Variants in ZNF778 observed in about 807,000 individuals in gnomAD.
The protein encoded by ZNF778 is zinc finger protein 778.
ZNF778 carries 37 observed loss-of-function variants against 23.9 expected under a neutral mutation model. The ratio of observed to expected loss-of-function variants is 1.54; its 90% confidence interval spans 1.19 to 2.03. The LOEUF (loss-of-function observed/expected upper bound fraction) is 2.03. Ranked by LOEUF, ZNF778 falls within the 30% of genes most tolerant of loss-of-function variation. ZNF778 has a pLI of 0.00. For synonymous variants in ZNF778, 483 were observed against 343.9 expected, an observed-to-expected ratio of 1.40 and a Z score of -4.48; for missense variants, 1,297 against 934.4, an observed-to-expected ratio of 1.39 and a Z score of -5.06.
chr16:89,228,423 G>C lies in ZNF778; in HGVS notation c.2135G>C (p.Arg712Thr). The change falls in exon 7 of 7, where the codon AGG (arginine) becomes ACG (threonine). Residue 712 changes from arginine (R) to threonine (T), a missense_variant. By Grantham distance (71) the Arg-to-Thr change is moderately conservative. Coordinates refer to ENST00000433976, the MANE Select transcript of ZNF778 (RefSeq NM_001201407.2). ...KCKECGKAYNRFYLLKEHLKT... is the reference protein window; with the variant it reads ...KCKECGKAYNTFYLLKEHLKT... ...AAGGAATGTGGGAAAGCATACAATA[G>C]GTTTTATCTACTAAAAGAACATTTA... The C allele has an allele frequency of 2.5e-6, 4 of 1,613,874 alleles. No individual in the cohort carries two copies. Among genetic ancestry groups the C allele is most frequent in the Non-Finnish European group, 8.5e-7 (1 of 1,179,862 alleles).
At chr16:89,224,502 C>G in intron 4 of ZNF778, 1 of 446,174 alleles carries the variant, frequency 2.2e-6, no homozygotes. Flanking sequence ...ACCTATAGTC[C>G]CAGCTACTTA....
Position 89,227,086 on chromosome 16 carries a change from G to T in ZNF778, c.798G>T (p.Met266Ile), listed in dbSNP as rs2031541943. ...GTGGGAAAGCTCTAACTCACTCCAT[G>T]GGCTGCGCCACACCTGTTGAAATGC... Reference protein sequence around the residue: ...KPCGKALTHSMGCATPVEMHA... With the variant: ...KPCGKALTHSIGCATPVEMHA... The change falls in exon 7 of 7, where the codon ATG (methionine) becomes ATT (isoleucine). Residue 266 changes from methionine (M) to isoleucine (I), a missense_variant. Coordinates refer to ENST00000433976, the MANE Select transcript of ZNF778 (RefSeq NM_001201407.2). The T allele has an allele frequency of 6.2e-7, 1 of 1,613,838 alleles. No homozygotes were observed. The highest frequency in any genetic ancestry group is 8.5e-7 in the Non-Finnish European group (1 of 1,179,892).
rs898196701 is a variant in ZNF778, at chr16:89,229,810, C to G, written c.*1248C>G. 1.0e-6 allele frequency: 1 copy of G among 980,752 alleles called. No individual in the cohort carries two copies. Among genetic ancestry groups the G allele is most frequent in the South Asian group, 4.7e-5 (1 of 21,098 alleles). The allele number at this position is 980,752 out of a possible 1,614,324, so 60.8% of individuals were successfully genotyped here. ...GCAGTGTAGGCTCTGGTTGGTTAGT[C>G]TTAGGTATCCAGATGTGATCCTGTG... is the stretch of plus-strand genomic sequence containing the variant. On this transcript the variant is annotated 3_prime_UTR_variant, in exon 7 of 7. Transcript: ENST00000433976.
At chr16:89,226,637 G>A in intron 6 of ZNF778, 57 bp from the exon 7 acceptor site, 1 of 1,457,128 alleles carries the variant, frequency 6.9e-7, no homozygotes, top group South Asian at 1.3e-5. Context: ...TCAGCTGGGT[G>A]AGATCTATGA....
In ZNF778 at chr16:89,227,897, G is replaced by C. The variant is rs375641646; in HGVS notation, c.1609G>C (p.Asp537His). 9.9e-6 allele frequency: 16 copies of C among 1,613,990 alleles called. No individual in the cohort carries two copies. The highest frequency in any genetic ancestry group is 6.6e-5 in the South Asian group (6 of 91,082). The change falls in exon 7 of 7, where the codon GAC (aspartate) becomes CAC (histidine). Residue 537 changes from aspartate to histidine, a missense_variant. Transcript: ENST00000433976. Reference sequence around the variant, plus strand: ...CGGGGAGAAGCCCTATGAATGTAAGGACTGTGGGAAAGCCTACAATAGGGT... The same window carrying C: ...CGGGGAGAAGCCCTATGAATGTAAGCACTGTGGGAAAGCCTACAATAGGGT... ...HTGEKPYECK[D>H]CGKAYNRVYL...
intron 1 of ZNF778, among the ~76,000 whole-genome samples, chr16:89,219,842 C>G (rs1337078765): frequency 6.6e-6 from 1 of 152,220 alleles, no homozygotes; most frequent in African/African-American, 2.4e-5. Context: ...TGTTGTGCCT[C>G]TTTTTTGGTT....
Position 89,224,704 on chromosome 16 carries a change from T to A in ZNF778, c.245-15T>A. The A allele has an allele frequency of 6.5e-7, 1 of 1,531,190 alleles. No individual in the cohort carries two copies. The highest frequency in any genetic ancestry group is 8.8e-7 in the Non-Finnish European group (1 of 1,142,632). 94.9% of individuals were successfully genotyped at this position (1,531,190 alleles called of 1,614,324 possible). On this transcript the variant is annotated splice_polypyrimidine_tract_variant and intron_variant, in intron 4 of 6. Transcript: ENST00000433976. The stretch of plus-strand genomic sequence containing the variant: ...CCTGAGCCTCTTCCATCGATGTCTC[T>A]TTCCCTGTGTACAGGACATCACCTG...
In ZNF778 at chr16:89,236,664, C is replaced by T. The variant is rs1205218056; in HGVS notation, c.*8102C>T. 1 of 152,150 alleles carries T rather than the reference C, an allele frequency of 6.6e-6. No homozygotes were observed. Among genetic ancestry groups the T allele is most frequent in the Non-Finnish European group, 1.5e-5 (1 of 68,042 alleles). 9.4% of individuals were successfully genotyped at this position (152,150 alleles called of 1,614,324 possible). A position where few individuals can be genotyped will look rare whatever the true frequency, so the allele number is the denominator to read the frequency against. On this transcript the variant is annotated 3_prime_UTR_variant, in exon 7 of 7. Coordinates refer to ENST00000433976, the MANE Select transcript of ZNF778 (RefSeq NM_001201407.2). ...TATTTAATACATAAGACAACTACAA[C>T]ATGAAGGTGAGGGGCAACGTGGCTG... is the stretch of plus-strand genomic sequence containing the variant.
chr16:89,220,681 A>T (rs907021549), intron 1 of ZNF778, among the ~76,000 whole-genome samples: 3 of 152,114 alleles, frequency 2.0e-5, no homozygotes, highest in African/African-American at 7.2e-5. Flanking sequence ...CTGTGACGAG[A>T]TGGTCGAACA....
At chr16:89,220,888 C>G (rs2030867748) in intron 1 of ZNF778, 109 bp from the exon 2 acceptor site, 2 of 525,012 alleles carry the variant, frequency 3.8e-6, no homozygotes, top group Non-Finnish European at 3.5e-6. Context: ...TACTAGTCCT[C>G]AAGAGAGTAA....
chr16:89,232,641 T>A lies in ZNF778; in HGVS notation c.*4079T>A. The A allele has an allele frequency of 9.5e-7, 1 of 1,049,756 alleles. No individual in the cohort carries two copies. Among genetic ancestry groups the A allele is most frequent in the Non-Finnish European group, 1.1e-6 (1 of 878,690 alleles). 65.0% of individuals were successfully genotyped at this position (1,049,756 alleles called of 1,614,324 possible). A position where few individuals can be genotyped will look rare whatever the true frequency, so the allele number is the denominator to read the frequency against. On this transcript the variant is annotated 3_prime_UTR_variant, in exon 7 of 7. Coordinates refer to ENST00000433976, the MANE Select transcript of ZNF778 (RefSeq NM_001201407.2). ...ATTAAAGGACCAATTGTATTAATTA[T>A]GTTTTTTTTTTTTTTGTTAGGGTAC...
chr16:89,226,324 G>C (rs1418639278), intron 6 of ZNF778, among the ~76,000 whole-genome samples: 1 of 151,976 alleles, frequency 6.6e-6, no homozygotes, highest in Non-Finnish European at 1.5e-5. Flanking sequence ...TTCTGCCTCA[G>C]CCTCCTGAGT....
Position 89,221,178 on chromosome 16 carries a change from A to C in ZNF778, c.25+26A>C, listed in dbSNP as rs142263790. The C allele has an allele frequency of 1.1e-4, 177 of 1,541,686 alleles. No homozygotes were observed. The African/African-American group carries it at 2.0e-3, about 17-fold the overall frequency. On this transcript the variant is annotated intron_variant, in intron 2 of 6. Coordinates refer to ENST00000433976, the MANE Select transcript of ZNF778 (RefSeq NM_001201407.2). ...GTAAGTCCTGGTGGGGCTCCTTCTCAGAGCCTCTGCTCTAGGTCCTGATAC... is the reference window on the plus strand; with the variant it reads ...GTAAGTCCTGGTGGGGCTCCTTCTCCGAGCCTCTGCTCTAGGTCCTGATAC...
chr16:89,234,033 C>A lies in ZNF778; in HGVS notation c.*5471C>A. On this transcript the variant is annotated 3_prime_UTR_variant, in exon 7 of 7. Coordinates refer to ENST00000433976, the MANE Select transcript of ZNF778 (RefSeq NM_001201407.2). ...GTGAAAACCCTGTGGCCTCTGCCTC[C>A]CCTGGCTCTGACTTCTGCCTCCTGC... 2.0e-6 allele frequency: 2 copies of A among 1,003,910 alleles called. No homozygotes were observed. The highest frequency in any genetic ancestry group is 2.7e-6 in the Non-Finnish European group (2 of 727,888). 62.2% of individuals were successfully genotyped at this position (1,003,910 alleles called of 1,614,324 possible). A position where few individuals can be genotyped will look rare whatever the true frequency, so the allele number is the denominator to read the frequency against.
At position 89,217,827 on chromosome 16, in the gene ZNF778, C is replaced by T. The variant is rs1213604941; in HGVS notation, c.-215C>T. 1 of 152,324 alleles carries T rather than the reference C, an allele frequency of 6.6e-6. No homozygotes were observed. The highest frequency in any genetic ancestry group is 2.4e-5 in the African/African-American group (1 of 41,476). The allele number at this position is 152,324 out of a possible 1,614,324, so 9.4% of individuals were successfully genotyped here. On this transcript the variant is annotated 5_prime_UTR_variant, in exon 1 of 7. Transcript: ENST00000433976. ...GGGCGCCCGCCCGCCTGCCTCGCGC[C>T]TTGCGCCCCCGGCACCGCTTCCAGA...
Position 89,227,327 on chromosome 16 carries a change from A to C in ZNF778, c.1039A>C (p.Thr347Pro). 6.2e-7 allele frequency: 1 copy of C among 1,614,032 alleles called. No individual in the cohort carries two copies. The highest frequency in any genetic ancestry group is 1.6e-4 in the Middle Eastern group (1 of 6,062). Residue 347 changes from threonine (T) to proline (P), a missense_variant, in exon 7 of 7, where the codon ACT (threonine) becomes CCT (proline). Thr to Pro is a conservative substitution (Grantham distance 38). Transcript: ENST00000433976. ...CECKECGKAFTGLSGLSKHVQ... is the reference protein window; with the variant it reads ...CECKECGKAFPGLSGLSKHVQ... ...ATGTAAAGAATGCGGAAAAGCCTTC[A>C]CTGGACTCTCAGGTCTTTCTAAACA...
intron 4 of ZNF778, 177 bp from the exon 5 acceptor site, chr16:89,224,542 C>A (rs901363859): frequency 2.0e-6 from 1 of 511,358 alleles, no homozygotes; most frequent in East Asian, 3.4e-5. Context: ...TCACTTGAAC[C>A]CAGGAGGCAG....
At chr16:89,218,036 C>A (rs527972250) in intron 1 of ZNF778, 126 bp downstream of exon 1, 1 of 152,222 alleles carries the variant, frequency 6.6e-6, no homozygotes, top group Admixed American at 6.5e-5. Context: ...GTAAGGTAGA[C>A]CCCTGAGCGC....
chr16:89,228,397 T>C lies in ZNF778; in HGVS notation c.2109T>C (p.Cys703=). 1 of 1,613,878 alleles carries C rather than the reference T, an allele frequency of 6.2e-7. No homozygotes were observed. The highest frequency in any genetic ancestry group is 8.5e-7 in the Non-Finnish European group (1 of 1,179,850). The change falls in exon 7 of 7, where the codon TGT becomes TGC. Residue 703 remains cysteine, a synonymous_variant. Coordinates refer to ENST00000433976, the MANE Select transcript of ZNF778 (RefSeq NM_001201407.2). ...RIHTGQKPYK[C]KECGKAYNRF... ...ACACTGGGCAGAAACCCTATAAATG[T>C]AAGGAATGTGGGAAAGCATACAATA...
Sources: gnomAD v4.1 joint callset for allele counts (sites outside exome capture counted in the v4.1 genomes callset) on GRCh38, gnomAD v4.1.1 for gene constraint, MANE v1.5 for transcripts, NCBI Gene and HGNC (gene_info 2026-07-23, HGNC 2026-07-21) for gene names.